The following SLCO3A1 variants were observed in gnomAD, a reference collection of about 807,000 sequenced individuals.
SLCO3A1 encodes PGE1 transporter.
A neutral mutation model predicts 63.1 loss-of-function variants in SLCO3A1; 27 were observed. The ratio of observed to expected loss-of-function variants is 0.43; its 90% CI spans 0.32 to 0.59. SLCO3A1 has a LOEUF of 0.59. SLCO3A1 is among the 20% of genes least tolerant of loss of function. The probability of loss-of-function intolerance (pLI) is 0.09; values close to 1 mark genes in which losing one functional copy is unlikely to be tolerated. For missense variants in SLCO3A1, 773 were observed against 945.8 expected, an observed-to-expected ratio of 0.82 and a Z score of 2.40; for synonymous variants, 473 against 409.9, an observed-to-expected ratio of 1.15 and a Z score of -1.86.
At chr15:92,049,277 G>C (rs1370523382) in intron 2 of SLCO3A1, among the ~76,000 whole-genome samples, 2 of 152,112 alleles carry the variant, frequency 1.3e-5, no homozygotes, top group African/African-American at 4.8e-5. Flanking sequence ...CCTTATTAAA[G>C]TCTCTTAGTC....
In SLCO3A1 at chr15:92,164,874, C is replaced by G; in HGVS notation, c.*1739C>G. 3 of 985,426 alleles carry G rather than the reference C, an allele frequency of 3.0e-6. No homozygotes were observed. The highest frequency in any genetic ancestry group is 3.6e-6 in the Non-Finnish European group (3 of 829,918). The allele number at this position is 985,426 out of a possible 1,614,324, so 61.0% of individuals were successfully genotyped here. On this transcript the variant is annotated 3_prime_UTR_variant, in exon 10 of 10. Coordinates refer to ENST00000318445, the MANE Select transcript of SLCO3A1 (RefSeq NM_013272.4). Reference sequence around the variant, plus strand: ...TTAGGTAAAGGCACACACTCATACACACACAACAAAGGGCCCTGCTAACTT... The same window carrying G: ...TTAGGTAAAGGCACACACTCATACAGACACAACAAAGGGCCCTGCTAACTT...
intron 2 of SLCO3A1, among the ~76,000 whole-genome samples, chr15:92,042,809 A>G (rs902276134): frequency 6.6e-6 from 1 of 152,154 alleles, no homozygotes; most frequent in African/African-American, 2.4e-5. Flanking sequence ...AGCACAGGAC[A>G]GGCCTAGGAG....
chr15:92,137,381 C>T (rs879374786), intron 7 of SLCO3A1, among the ~76,000 whole-genome samples: 1 of 96,844 alleles, frequency 1.0e-5, no homozygotes, highest in Non-Finnish European at 1.9e-5. Flanking sequence ...CATTGTTGGA[C>T]ATTTGGGTTG....
chr15:91,962,475 G>A (rs1270478928), intron 2 of SLCO3A1, among the ~76,000 whole-genome samples: 9 of 52,248 alleles, frequency 1.7e-4, no homozygotes, highest in African/African-American at 3.0e-4. Flanking sequence ...GCGAAACTCC[G>A]TCTCAAAAAA....
intron 2 of SLCO3A1, among the ~76,000 whole-genome samples, chr15:92,038,284 A>G (rs1383874832): frequency 6.6e-6 from 1 of 152,216 alleles, no homozygotes; most frequent in Non-Finnish European, 1.5e-5. Context: ...GTAAGTTACA[A>G]AATTCTGTAC....
In SLCO3A1 at chr15:92,031,750, A is replaced by G. The variant is rs114268789; in HGVS notation, c.647-63131A>G. On this transcript the variant is annotated intron_variant, in intron 2 of 9. Coordinates refer to ENST00000318445, the MANE Select transcript of SLCO3A1 (RefSeq NM_013272.4). The stretch of plus-strand genomic sequence containing the variant: ...GCATACAATGCATAATAATCACATC[A>G]GGGTCAACAGGGCATCCATCACCTC... 7.3e-3 allele frequency among the ~76,000 whole-genome samples: 1,115 copies of G among 152,332 alleles called. 11 individuals are homozygous for G. The highest frequency in any genetic ancestry group is 0.026 in the African/African-American group (1,076 of 41,564).
Position 92,165,234 on chromosome 15 carries a change from C to T in SLCO3A1, c.*2099C>T. On this transcript the variant is annotated 3_prime_UTR_variant, in exon 10 of 10. Transcript: ENST00000318445. The stretch of plus-strand genomic sequence containing the variant: ...GCTTCTGAGACAGGCCTTTCAACTG[C>T]TTAGTGTTAGTATGTCCTTGCTTAT... 1 of 985,028 alleles carries T rather than the reference C, an allele frequency of 1.0e-6. No homozygotes were observed. Among genetic ancestry groups the T allele is most frequent in the Non-Finnish European group, 1.2e-6 (1 of 829,904 alleles). 61.0% of individuals were successfully genotyped at this position (985,028 alleles called of 1,614,324 possible).
intron 2 of SLCO3A1, among the ~76,000 whole-genome samples, chr15:91,945,211 G>T (rs56000392): frequency 9.9e-5 from 15 of 152,026 alleles, no homozygotes; most frequent in African/African-American, 3.4e-4. Context: ...GCATGGTGGC[G>T]TGTGCCTGTA....
intron 2 of SLCO3A1, among the ~76,000 whole-genome samples, chr15:91,957,152 T>TAGTATATA (rs1403097802): frequency 2.4e-5 from 1 of 41,406 alleles, no homozygotes; most frequent in African/African-American, 2.1e-4. Context: ...TTATAATATA[T>TAGTATATA]ATATATATTT....
At chr15:91,931,130 C>T (rs1240388930) in intron 2 of SLCO3A1, among the ~76,000 whole-genome samples, 1 of 152,202 alleles carries the variant, frequency 6.6e-6, no homozygotes. Flanking sequence ...AAGGAGACAG[C>T]CTTCCAAACC....
At chr15:92,035,041 G>C (rs1272542881) in intron 2 of SLCO3A1, among the ~76,000 whole-genome samples, 1 of 151,908 alleles carries the variant, frequency 6.6e-6, no homozygotes, top group African/African-American at 2.4e-5. Flanking sequence ...TAAAGAGGCA[G>C]GGCAGGATGG....
At chr15:92,106,642 TC>T (rs1465527991) in intron 4 of SLCO3A1, among the ~76,000 whole-genome samples, 3 of 152,140 alleles carry the variant, frequency 2.0e-5, no homozygotes. Context: ...TTGTCTTTCA[TC>T]TCTGGGAATA....
intron 2 of SLCO3A1, among the ~76,000 whole-genome samples, chr15:91,938,780 T>C (rs1899509802): frequency 6.6e-6 from 1 of 152,198 alleles, no homozygotes; most frequent in South Asian, 2.1e-4. Context: ...ACTTTTGAAA[T>C]TTCTAGACAG....
rs397854372 is a variant in SLCO3A1, at chr15:92,163,557, A to C, written c.*422A>C. 2.2e-6 allele frequency: 1 copy of C among 456,020 alleles called. No individual in the cohort carries two copies. The highest frequency in any genetic ancestry group is 8.2e-5 in the South Asian group (1 of 12,224). 28.2% of individuals were successfully genotyped at this position (456,020 alleles called of 1,614,324 possible). On this transcript the variant is annotated 3_prime_UTR_variant, in exon 10 of 10. Coordinates refer to ENST00000318445, the MANE Select transcript of SLCO3A1 (RefSeq NM_013272.4). ...GAAGTTTCCTAAAATAAAAAAAATT[A>C]AAAAAAAAAAACCCACAAGTTGAAA...
rs1480419237 is a variant in SLCO3A1, at chr15:91,948,413, G to T, written c.646+31955G>T. Among the ~76,000 whole-genome samples the T allele has an allele frequency of 6.6e-6, 1 of 152,202 alleles. No homozygotes were observed. Among genetic ancestry groups the T allele is most frequent in the East Asian group, 1.9e-4 (1 of 5,198 alleles). On this transcript the variant is annotated intron_variant, in intron 2 of 9. Coordinates refer to ENST00000318445, the MANE Select transcript of SLCO3A1 (RefSeq NM_013272.4). The surrounding 1 kb of genome is among the most constrained non-coding windows in gnomAD (Gnocchi z 4.8). Reference sequence around the variant, plus strand: ...CCAGCCACAGCATCCTATTCCTGCAGATAAGCCTACAGGCTCTGTAGGAGT... The same window carrying T: ...CCAGCCACAGCATCCTATTCCTGCATATAAGCCTACAGGCTCTGTAGGAGT...
At chr15:91,944,045 G>C (rs1899715846) in intron 2 of SLCO3A1, among the ~76,000 whole-genome samples, 1 of 152,260 alleles carries the variant, frequency 6.6e-6, no homozygotes, top group Non-Finnish European at 1.5e-5. Flanking sequence ...TGCACATCTT[G>C]TCTGATATAA....
chr15:92,056,558 T>C (rs2047024046), intron 2 of SLCO3A1, among the ~76,000 whole-genome samples: 1 of 152,220 alleles, frequency 6.6e-6, no homozygotes, highest in Non-Finnish European at 1.5e-5. Context: ...CTCATCTTAT[T>C]ACTTCCTCCC....
At chr15:91,921,056 A>C (rs1372704230) in intron 2 of SLCO3A1, among the ~76,000 whole-genome samples, 1 of 152,194 alleles carries the variant, frequency 6.6e-6, no homozygotes, top group East Asian at 1.9e-4. Flanking sequence ...AGCAAACACC[A>C]CAGACTGGGA....
rs572926683 is a variant in SLCO3A1, at chr15:91,939,934, G to A, written c.646+23476G>A. Among the ~76,000 whole-genome samples, 11 of 152,246 alleles carry A rather than the reference G, an allele frequency of 7.2e-5. No homozygotes were observed. The East Asian group carries it at 9.7e-4, about 13-fold the overall frequency. On this transcript the variant is annotated intron_variant, in intron 2 of 9. Coordinates refer to ENST00000318445, the MANE Select transcript of SLCO3A1 (RefSeq NM_013272.4). ...TTAGCACAGAGAGGCCTAGTCACTT[G>A]CCTGGGGTCACATAGCTAGAAAGTA...
Sources: allele counts gnomAD v4.1 joint callset (sites outside exome capture counted in the v4.1 genomes callset), GRCh38; gene constraint gnomAD v4.1.1; non-coding constraint Gnocchi (gnomAD v3.1); transcripts MANE v1.5; gene names NCBI Gene and HGNC (gene_info 2026-07-23, HGNC 2026-07-21).